The following PKNOX2 variants were observed in gnomAD, a reference collection of about 807,000 sequenced individuals.
PKNOX2 encodes PBX/knotted 1 homeobox 2.
In PKNOX2, 14 loss-of-function variants were observed where a neutral mutation model predicts 53.1. The observed-to-expected ratio is 0.26, with a 90% CI of 0.17 to 0.41. The LOEUF (loss-of-function observed/expected upper bound fraction) is 0.41, where lower values mean the gene tolerates loss of function less well. PKNOX2 is among the 10% of genes least tolerant of loss of function. The probability of loss-of-function intolerance (pLI) is 1.00; values close to 1 mark genes in which losing one functional copy is unlikely to be tolerated. For missense variants in PKNOX2, 496 were observed against 602.8 expected, an observed-to-expected ratio of 0.82 and a Z score of 1.85; for synonymous variants, 257 against 242.8, an observed-to-expected ratio of 1.06 and a Z score of -0.54.
At chr11:125,395,481 T>A (rs112355750) in intron 6 of PKNOX2, among the ~76,000 whole-genome samples, 7 of 152,316 alleles carry the variant, frequency 4.6e-5, no homozygotes, top group Admixed American at 3.9e-4. Context: ...ATATTTAGTT[T>A]TGTAAGAAAT....
At chr11:125,404,898 G>C (rs999105645) in intron 7 of PKNOX2, among the ~76,000 whole-genome samples, 93 of 152,226 alleles carry the variant, frequency 6.1e-4, no homozygotes, top group African/African-American at 2.0e-3. Flanking sequence ...CCGCGGCTGT[G>C]CCCTGGAGAG....
intron 1 of PKNOX2, among the ~76,000 whole-genome samples, chr11:125,192,205 G>A (rs1425225529): frequency 1.3e-5 from 2 of 152,108 alleles, no homozygotes; most frequent in African/African-American, 4.8e-5. Flanking sequence ...CCATAAACGT[G>A]GGGAAATTCA....
At chr11:125,194,050 G>A (rs778813147) in intron 1 of PKNOX2, among the ~76,000 whole-genome samples, 6 of 152,170 alleles carry the variant, frequency 3.9e-5, no homozygotes, top group African/African-American at 7.2e-5. Context: ...GCAGGGCCCC[G>A]TAGGAGGGGT....
rs2135717528 is a variant in PKNOX2, at chr11:125,432,687, C to G, written c.*1295C>G. 1 of 152,900 alleles carries G rather than the reference C, an allele frequency of 6.5e-6. No homozygotes were observed. The highest frequency in any genetic ancestry group is 1.5e-5 in the Non-Finnish European group (1 of 68,104). 9.5% of individuals were successfully genotyped at this position (152,900 alleles called of 1,614,324 possible). ...CCCTAACACATACCCTCCCACCCAC[C>G]TTCCAGACCCCCTTGGTTGGCACCC... On this transcript the variant is annotated 3_prime_UTR_variant, in exon 13 of 13. Coordinates refer to ENST00000298282, the MANE Select transcript of PKNOX2 (RefSeq NM_001382323.2).
At chr11:125,294,487 T>C (rs892566059) in intron 2 of PKNOX2, among the ~76,000 whole-genome samples, 1 of 151,968 alleles carries the variant, frequency 6.6e-6, no homozygotes, top group African/African-American at 2.4e-5. Flanking sequence ...GACCTTGGAA[T>C]TGGGTTGTAG....
At position 125,431,268 on chromosome 11, in the gene PKNOX2, CAGA is replaced by C. The variant is rs1660211881; in HGVS notation, c.1302_1304del (p.Glu435del). 6.2e-7 allele frequency: 1 copy of C among 1,613,594 alleles called. No individual in the cohort carries two copies. Among genetic ancestry groups the C allele is most frequent in the South Asian group, 1.1e-5 (1 of 91,042 alleles). ...GCACACGATGACTCATTGGATGGGA[CAGA>C]AGAAGAGGATGAGGATGAGATGGAA... On this transcript the variant is annotated inframe_deletion, in exon 13 of 13. Transcript: ENST00000298282.
intron 2 of PKNOX2, among the ~76,000 whole-genome samples, chr11:125,321,046 G>A (rs569071327): frequency 6.6e-6 from 1 of 152,324 alleles, no homozygotes; most frequent in South Asian, 2.1e-4. Flanking sequence ...CAATTCAGGA[G>A]GCATCACAGA....
chr11:125,364,689 G>A (rs1222757874), intron 4 of PKNOX2, among the ~76,000 whole-genome samples: 3 of 152,210 alleles, frequency 2.0e-5, no homozygotes, highest in Non-Finnish European at 4.4e-5. Flanking sequence ...CGGAAATCTC[G>A]TGTTTAATAA....
intron 2 of PKNOX2, among the ~76,000 whole-genome samples, chr11:125,265,827 G>T (rs550238285): frequency 6.6e-6 from 1 of 152,128 alleles, no homozygotes; most frequent in Admixed American, 6.5e-5. Flanking sequence ...GATCCTGAAG[G>T]GGGGAGCTTA....
In PKNOX2 at chr11:125,178,672, A is replaced by AGG. The variant is rs1565462496; in HGVS notation, c.-201+13896_-201+13897insGG. ...AAGGAAGGAAGGAAGGAAGGAAGGA[A>AGG]AGAAAGAGAGAGAGAGAGAGAGAGA... is the stretch of plus-strand genomic sequence containing the variant. On this transcript the variant is annotated intron_variant, in intron 1 of 12. Coordinates refer to ENST00000298282, the MANE Select transcript of PKNOX2 (RefSeq NM_001382323.2). Among the ~76,000 whole-genome samples, 199 of 114,918 alleles carry AGG rather than the reference A, an allele frequency of 1.7e-3. 8 individuals are homozygous for AGG. The highest frequency in any genetic ancestry group is 9.9e-3 in the East Asian group (36 of 3,638). 75.4% of individuals were successfully genotyped at this position (114,918 alleles called of 152,430 possible).
chr11:125,328,395 G>GAGAGAC (rs60073521), intron 2 of PKNOX2, among the ~76,000 whole-genome samples: 4,004 of 150,588 alleles, frequency 0.027, 143 homozygotes, highest in African/African-American at 0.078. Flanking sequence ...GAGAGAGAAA[G>GAGAGAC]AGAGACAGAG....
chr11:125,215,025 G>A (rs535964036), intron 1 of PKNOX2, among the ~76,000 whole-genome samples: 5 of 152,200 alleles, frequency 3.3e-5, no homozygotes, highest in South Asian at 4.2e-4. Context: ...TGGTGGGAGA[G>A]CGTCCGCGAA....
In PKNOX2 at chr11:125,363,802, C is replaced by G. The variant is rs573499607; in HGVS notation, c.88-4044C>G. Among the ~76,000 whole-genome samples the G allele has an allele frequency of 5.3e-5, 8 of 151,642 alleles. No individual in the cohort carries two copies. In the South Asian group the frequency reaches 8.3e-4, roughly 16 times the overall value. ...TGGAAGAAAGCTACTTGGGGAAAAACTGAAATTAGAGGTGTGCTAGTAAAT... is the reference window on the plus strand; with the variant it reads ...TGGAAGAAAGCTACTTGGGGAAAAAGTGAAATTAGAGGTGTGCTAGTAAAT... On this transcript the variant is annotated intron_variant, in intron 4 of 12. Coordinates refer to ENST00000298282, the MANE Select transcript of PKNOX2 (RefSeq NM_001382323.2).
In PKNOX2 at chr11:125,422,008, C is replaced by T. The variant is rs561609222; in HGVS notation, c.937-7004C>T. Reference sequence around the variant, plus strand: ...AACAGGGTTTGGTTGGAGAAGCTGGCATTTGGGCTGGGCCTTATGAAGGAT... The same window carrying T: ...AACAGGGTTTGGTTGGAGAAGCTGGTATTTGGGCTGGGCCTTATGAAGGAT... On this transcript the variant is annotated intron_variant, in intron 10 of 12. Coordinates refer to ENST00000298282, the MANE Select transcript of PKNOX2 (RefSeq NM_001382323.2). This position sits in a 1 kb window ranked among gnomAD's most constrained non-coding sequence, Gnocchi z 4.1. 3.9e-4 allele frequency among the ~76,000 whole-genome samples: 59 copies of T among 152,160 alleles called. No homozygotes were observed. The highest frequency in any genetic ancestry group is 1.3e-3 in the African/African-American group (55 of 41,530).
chr11:125,386,807 C>T (rs1277237048), intron 6 of PKNOX2, among the ~76,000 whole-genome samples: 2 of 151,406 alleles, frequency 1.3e-5, no homozygotes, highest in Non-Finnish European at 2.9e-5. Context: ...GTGAATTATC[C>T]ACACCACCGC....
At chr11:125,403,835 A>C (rs1423764274) in intron 7 of PKNOX2, among the ~76,000 whole-genome samples, 1 of 152,182 alleles carries the variant, frequency 6.6e-6, no homozygotes, top group Non-Finnish European at 1.5e-5. Flanking sequence ...TAGGGAAATG[A>C]GAGGTACAAA....
intron 2 of PKNOX2, among the ~76,000 whole-genome samples, chr11:125,260,595 T>G (rs2135729361): frequency 6.6e-6 from 1 of 152,344 alleles, no homozygotes; most frequent in South Asian, 2.1e-4. Flanking sequence ...AGACGAGTTC[T>G]GTTGCCTTTG....
intron 2 of PKNOX2, among the ~76,000 whole-genome samples, chr11:125,291,919 T>C (rs903243274): frequency 1.3e-5 from 2 of 152,088 alleles, no homozygotes; most frequent in Non-Finnish European, 2.9e-5. Context: ...GAGGTAGAGA[T>C]GGGGAATTAT....
intron 2 of PKNOX2, among the ~76,000 whole-genome samples, chr11:125,239,099 G>A (rs1189506015): frequency 6.6e-6 from 1 of 152,200 alleles, no homozygotes; most frequent in African/African-American, 2.4e-5. Flanking sequence ...AATAAAAAGT[G>A]GAGTTGGAAA....
Sources: gnomAD v4.1 joint callset for allele counts (sites outside exome capture counted in the v4.1 genomes callset) on GRCh38, gnomAD v4.1.1 for gene constraint, Gnocchi (gnomAD v3.1) non-coding constraint, MANE v1.5 for transcripts, NCBI Gene and HGNC (gene_info 2026-07-23, HGNC 2026-07-21) for gene names.